The following DDX42 variants were observed in gnomAD, a reference collection of about 807,000 sequenced individuals.
DDX42 encodes the protein DEAD-box helicase 42.
Under a neutral mutation model 101.5 loss-of-function variants are expected in DDX42, and 22 were observed. The ratio of observed to expected loss-of-function variants is 0.22; its 90% CI spans 0.15 to 0.31. The LOEUF is 0.31. Ranked by LOEUF, DDX42 falls within the 10% of genes least tolerant of loss-of-function variation. DDX42 has a pLI of 1.00. For synonymous variants in DDX42, 402 were observed against 401.2 expected, an observed-to-expected ratio of 1.00 and a Z score of -0.02; for missense variants, 849 against 1,199.9, an observed-to-expected ratio of 0.71 and a Z score of 4.32.
intron 7 of DDX42, chr17:63,805,437 T>TG: frequency 3.1e-6 from 1 of 320,110 alleles, no homozygotes. Context: ...GGGCTAGTGA[T>TG]GAAGGGTGGG....
intron 3 of DDX42, among the ~76,000 whole-genome samples, chr17:63,796,616 C>G (rs977343543): frequency 6.6e-6 from 1 of 152,178 alleles, no homozygotes; most frequent in Non-Finnish European, 1.5e-5. Context: ...GCACCCGGCC[C>G]AGATGTCAAA....
intron 1 of DDX42, among the ~76,000 whole-genome samples, chr17:63,779,739 CT>C (rs372934351): frequency 1.0e-3 from 152 of 149,434 alleles, no homozygotes; most frequent in African/African-American, 2.4e-3. Context: ...CTAGGTATCT[CT>C]TTTTTTTTTC....
At chr17:63,795,243 A>G (rs916263109) in intron 3 of DDX42, among the ~76,000 whole-genome samples, 1 of 152,226 alleles carries the variant, frequency 6.6e-6, no homozygotes, top group African/African-American at 2.4e-5. Flanking sequence ...ATGGCTGCCT[A>G]CATTAGACAA....
At chr17:63,792,367 C>T in intron 2 of DDX42, 45 bp from the exon 3 acceptor site, 1 of 1,583,482 alleles carries the variant, frequency 6.3e-7, no homozygotes, top group Non-Finnish European at 8.6e-7. Flanking sequence ...ATTTACTGAC[C>T]CCAAAGTAAG....
chr17:63,780,168 T>A (rs1331978841), intron 1 of DDX42, among the ~76,000 whole-genome samples: 1 of 152,132 alleles, frequency 6.6e-6, no homozygotes. Context: ...TGGTGGCACA[T>A]GCCTGTAATT....
rs1158697775 is a variant in DDX42, at chr17:63,818,709, A to G, written c.*311A>G. On this transcript the variant is annotated 3_prime_UTR_variant, in exon 18 of 18. Coordinates refer to ENST00000389924, the MANE Select transcript of DDX42 (RefSeq NM_203499.3). Reference sequence around the variant, plus strand: ...GGCACAAAACTCACTCTAGGTTTATATTGTATGTAGCTTATATTTTTTACT... The same window carrying G: ...GGCACAAAACTCACTCTAGGTTTATGTTGTATGTAGCTTATATTTTTTACT... 1 of 286,266 alleles carries G rather than the reference A, an allele frequency of 3.5e-6. No homozygotes were observed. The highest frequency in any genetic ancestry group is 2.1e-5 in the African/African-American group (1 of 46,736). 17.7% of individuals were successfully genotyped at this position (286,266 alleles called of 1,614,324 possible).
At chr17:63,813,902 C>T (rs886679872) in intron 15 of DDX42, among the ~76,000 whole-genome samples, 13 of 152,008 alleles carry the variant, frequency 8.6e-5, no homozygotes, top group South Asian at 6.2e-4. Flanking sequence ...TGCAATGGCA[C>T]GATCTCGGCT....
intron 1 of DDX42, chr17:63,775,263 A>G (rs1427791137): frequency 1.3e-5 from 2 of 152,648 alleles, no homozygotes; most frequent in African/African-American, 4.8e-5. Flanking sequence ...TACCTGGAAG[A>G]AGCATTGTGT....
chr17:63,810,410 A>T, intron 11 of DDX42, 103 bp from the exon 12 acceptor site: 1 of 1,261,454 alleles, frequency 7.9e-7, no homozygotes, highest in Non-Finnish European at 1.1e-6. Context: ...TAATTTTCTT[A>T]ATTCTTACAA....
intron 3 of DDX42, among the ~76,000 whole-genome samples, chr17:63,793,702 G>A (rs1410922349): frequency 6.6e-6 from 1 of 151,984 alleles, no homozygotes; most frequent in Non-Finnish European, 1.5e-5. Context: ...ATATCCATCT[G>A]TTATTTGTGA....
intron 3 of DDX42, among the ~76,000 whole-genome samples, chr17:63,793,190 A>G (rs1308738094): frequency 1.3e-5 from 2 of 151,930 alleles, no homozygotes; most frequent in African/African-American, 4.8e-5. Flanking sequence ...TTAGTTAACA[A>G]CTTTTGGCCA....
At chr17:63,792,367 C>A (rs758346348) in intron 2 of DDX42, 45 bp from the exon 3 acceptor site, 4 of 1,583,478 alleles carry the variant, frequency 2.5e-6, no homozygotes, top group South Asian at 2.3e-5. Context: ...ATTTACTGAC[C>A]CCAAAGTAAG....
chr17:63,795,717 A>G (rs1037174731), intron 3 of DDX42, among the ~76,000 whole-genome samples: 11 of 152,208 alleles, frequency 7.2e-5, no homozygotes, highest in African/African-American at 2.7e-4. Context: ...ACTCAGGGTG[A>G]TGTAAGAAAA....
intron 7 of DDX42, chr17:63,805,433 G>A (rs949650500): frequency 6.2e-6 from 2 of 323,400 alleles, no homozygotes; most frequent in Non-Finnish European, 1.1e-5. Flanking sequence ...GGATGGGCTA[G>A]TGATGAAGGG....
intron 14 of DDX42, 47 bp downstream of exon 14, chr17:63,812,255 G>A: frequency 1.3e-6 from 2 of 1,579,448 alleles, no homozygotes; most frequent in African/African-American, 1.4e-5. Flanking sequence ...GGCTATAAGG[G>A]TACTCTGTCT....
At chr17:63,811,274 T>G in intron 13 of DDX42, 101 bp downstream of exon 13, 1 of 920,454 alleles carries the variant, frequency 1.1e-6, no homozygotes, top group Non-Finnish European at 1.6e-6. Flanking sequence ...AAAAAGATGT[T>G]ATGTTTATAG....
chr17:63,789,496 G>A (rs1474992611), intron 2 of DDX42, among the ~76,000 whole-genome samples: 1 of 150,876 alleles, frequency 6.6e-6, no homozygotes, highest in African/African-American at 2.5e-5. Context: ...TTATAGGCGT[G>A]AGCTACTGCA....
intron 3 of DDX42, among the ~76,000 whole-genome samples, chr17:63,794,519 C>T (rs891772771): frequency 1.3e-5 from 2 of 151,882 alleles, no homozygotes; most frequent in Non-Finnish European, 2.9e-5. Context: ...CAAAATGAAA[C>T]CAAAAACTAT....
intron 13 of DDX42, 163 bp downstream of exon 13, chr17:63,811,336 C>CA: frequency 2.0e-6 from 1 of 488,896 alleles, no homozygotes; most frequent in Admixed American, 3.8e-5. Context: ...ATAGACGTAA[C>CA]AAGACTGGCA....
Sources: gnomAD v4.1 joint callset for allele counts (sites outside exome capture counted in the v4.1 genomes callset) on GRCh38, gnomAD v4.1.1 for gene constraint, MANE v1.5 for transcripts, NCBI Gene and HGNC (gene_info 2026-07-23, HGNC 2026-07-21) for gene names.